SOBP: variants seen among roughly 807,000 people sequenced by gnomAD.
The protein encoded by SOBP is sine oculis-binding protein homolog.
SOBP carries 4 observed loss-of-function variants against 53.6 expected under a neutral mutation model. The ratio of observed to expected loss-of-function variants is 0.07; its 90% CI spans 0.04 to 0.17. The LOEUF is 0.17. SOBP is among the 10% of genes least tolerant of loss of function. SOBP has a pLI of 1.00. For missense variants in SOBP, 1,088 were observed against 1,204.7 expected (o/e 0.90, Z 1.43); for synonymous variants, 584 against 522.6 (o/e 1.12, Z -1.60).
intron 5 of SOBP, among the ~76,000 whole-genome samples, chr6:107,623,667 C>T (rs1258681611): frequency 1.3e-5 from 2 of 152,084 alleles, no homozygotes; most frequent in African/African-American, 4.8e-5. Flanking sequence ...CAAATGTTGA[C>T]CAAATTTTTA....
intron 3 of SOBP, among the ~76,000 whole-genome samples, chr6:107,528,853 G>A (rs899236355): frequency 6.6e-6 from 1 of 152,264 alleles, no homozygotes; most frequent in East Asian, 1.9e-4. Flanking sequence ...GAATCAGATG[G>A]CCTGGTCCTC....
intron 4 of SOBP, among the ~76,000 whole-genome samples, chr6:107,537,694 A>G (rs986515920): frequency 9.9e-5 from 15 of 151,804 alleles, no homozygotes; most frequent in Non-Finnish European, 1.2e-4. Context: ...GATGGTGCTC[A>G]CCTGTAGTCC....
intron 4 of SOBP, chr6:107,558,181 G>C (rs140572270): frequency 3.9e-4 from 59 of 152,222 alleles, no homozygotes; most frequent in African/African-American, 1.3e-3. Context: ...GATACACTTA[G>C]ATTGTCCAAG....
chr6:107,569,164 T>C (rs1785000181), intron 4 of SOBP, among the ~76,000 whole-genome samples: 1 of 152,144 alleles, frequency 6.6e-6, no homozygotes, highest in Admixed American at 6.5e-5. Context: ...GTATCAGATT[T>C]TGCTTTTGGA....
intron 4 of SOBP, among the ~76,000 whole-genome samples, chr6:107,562,937 G>A (rs1784814463): frequency 6.6e-6 from 1 of 152,070 alleles, no homozygotes; most frequent in Admixed American, 6.6e-5. Context: ...TAGAGAAATT[G>A]GAAATTCACT....
intron 5 of SOBP, among the ~76,000 whole-genome samples, chr6:107,611,618 C>T (rs949267247): frequency 6.6e-6 from 1 of 152,190 alleles, no homozygotes; most frequent in Admixed American, 6.5e-5. Flanking sequence ...CAGCATTGGA[C>T]TCACCCGTGT....
chr6:107,589,818 G>A (rs144138992), intron 5 of SOBP, among the ~76,000 whole-genome samples: 4,057 of 152,346 alleles, frequency 0.027, 76 homozygotes, highest in South Asian at 0.062. Context: ...CCTCTTCATA[G>A]ATAGTCATGC....
intron 5 of SOBP, among the ~76,000 whole-genome samples, chr6:107,605,464 A>G (rs1308831829): frequency 1.3e-5 from 2 of 152,230 alleles, no homozygotes; most frequent in Non-Finnish European, 2.9e-5. Context: ...GTGCATTAAC[A>G]TTTCTTTCCA....
intron 3 of SOBP, among the ~76,000 whole-genome samples, chr6:107,525,064 C>T (rs1783622812): frequency 6.6e-6 from 1 of 152,136 alleles, no homozygotes; most frequent in African/African-American, 2.4e-5. Context: ...TTTTAAAAAT[C>T]ACATCCATGT....
intron 2 of SOBP, 58 bp from the exon 3 acceptor site, chr6:107,506,184 T>G (rs1782985864): frequency 6.7e-7 from 1 of 1,483,084 alleles, no homozygotes; most frequent in Non-Finnish European, 9.4e-7. Flanking sequence ...AAGGAAAAAT[T>G]TAAGTCTACT....
At chr6:107,566,169 G>C (rs547809470) in intron 4 of SOBP, among the ~76,000 whole-genome samples, 2 of 152,322 alleles carry the variant, frequency 1.3e-5, no homozygotes, top group African/African-American at 4.8e-5. Flanking sequence ...ACATTTAGTG[G>C]TGATTTCAGG....
In SOBP at chr6:107,524,862, A is replaced by C. The variant is rs145369150; in HGVS notation, c.422-8597A>C. Among the ~76,000 whole-genome samples the C allele has an allele frequency of 4.4e-4, 67 of 152,336 alleles. 1 individual carries two copies. Among genetic ancestry groups the C allele is most frequent in the Middle Eastern group, 3.4e-3 (1 of 294 alleles). On this transcript the variant is annotated intron_variant, in intron 3 of 6. Coordinates refer to ENST00000317357, the MANE Select transcript of SOBP (RefSeq NM_018013.4). Reference sequence around the variant, plus strand: ...AGCACGTTCCAGGAGGCTTCCTCAGAAGTCCAGTCTTGGGAATTCTCTGTG... The same window carrying C: ...AGCACGTTCCAGGAGGCTTCCTCAGCAGTCCAGTCTTGGGAATTCTCTGTG...
chr6:107,516,661 T>G (rs1783330596), intron 3 of SOBP, among the ~76,000 whole-genome samples: 1 of 152,190 alleles, frequency 6.6e-6, no homozygotes, highest in South Asian at 2.1e-4. Context: ...AATTTACGAC[T>G]CAATTTATCA....
chr6:107,590,208 A>G (rs974313796), intron 5 of SOBP, among the ~76,000 whole-genome samples: 2 of 152,216 alleles, frequency 1.3e-5, no homozygotes, highest in African/African-American at 2.4e-5. Flanking sequence ...CAATTTTTGA[A>G]AGCCCACTGA....
At chr6:107,598,190 A>G (rs1032665029) in intron 5 of SOBP, among the ~76,000 whole-genome samples, 1 of 152,220 alleles carries the variant, frequency 6.6e-6, no homozygotes, top group African/African-American at 2.4e-5. Flanking sequence ...AAAAAAGTTT[A>G]CAAACTACGC....
chr6:107,602,080 T>A (rs2818259), intron 5 of SOBP, among the ~76,000 whole-genome samples: 5 of 152,064 alleles, frequency 3.3e-5, no homozygotes, highest in Admixed American at 3.3e-4. Flanking sequence ...CAAATTATAC[T>A]CATTGCTCTC....
At position 107,635,239 on chromosome 6, in the gene SOBP, G is replaced by T; in HGVS notation, c.2395G>T (p.Gly799Cys). ...KLMGEEALAGGDKSDPNLNNP... is the reference protein window; with the variant it reads ...KLMGEEALAGCDKSDPNLNNP... ...GATGGGCGAGGAGGCCCTGGCGGGG[G>T]GCGACAAGTCAGACCCGAACCTTAA... Residue 799 changes from glycine to cysteine, a missense_variant, in exon 6 of 7, where the codon GGC becomes TGC. Around this residue, in one of 6 missense-constraint regions of SOBP, gnomAD observed 665 missense variants for 629.7 expected, o/e 1.06. Coordinates refer to ENST00000317357, the MANE Select transcript of SOBP (RefSeq NM_018013.4). This position sits in a 1 kb window ranked among gnomAD's most constrained non-coding sequence, Gnocchi z 4.5. 6.2e-7 allele frequency: 1 copy of T among 1,613,948 alleles called. No individual in the cohort carries two copies. The highest frequency in any genetic ancestry group is 8.5e-7 in the Non-Finnish European group (1 of 1,179,992).
intron 6 of SOBP, among the ~76,000 whole-genome samples, chr6:107,651,459 G>C (rs1771799522): frequency 6.6e-6 from 1 of 152,158 alleles, no homozygotes; most frequent in South Asian, 2.1e-4. Context: ...AGAGAGGGGA[G>C]GAAGCTGCAG....
chr6:107,602,372 A>C (rs1786212210), intron 5 of SOBP, among the ~76,000 whole-genome samples: 1 of 152,146 alleles, frequency 6.6e-6, no homozygotes, highest in Non-Finnish European at 1.5e-5. Context: ...AGAAAATCAG[A>C]CCAGCTTTAT....
Sources: allele counts gnomAD v4.1 joint callset (sites outside exome capture counted in the v4.1 genomes callset), GRCh38; gene constraint gnomAD v4.1.1; regional missense constraint gnomAD v4.1.1; non-coding constraint Gnocchi (gnomAD v3.1); transcripts MANE v1.5; gene names NCBI Gene and HGNC (gene_info 2026-07-23, HGNC 2026-07-21).